CACNA1H: variants seen among roughly 807,000 people sequenced by gnomAD.
CACNA1H encodes the protein voltage-dependent T-type calcium channel subunit alpha-1H.
In CACNA1H, 149 loss-of-function variants were observed where a neutral mutation model predicts 192.5. That is an observed-to-expected ratio of 0.77 (90% CI 0.68 to 0.89). The LOEUF (loss-of-function observed/expected upper bound fraction) is 0.89, where lower values mean the gene tolerates loss of function less well. Ranked by LOEUF, CACNA1H falls within the 40% of genes least tolerant of loss-of-function variation. The probability of loss-of-function intolerance (pLI) is 0.00; values close to 1 mark genes in which losing one functional copy is unlikely to be tolerated. For missense variants in CACNA1H, 4,257 were observed against 3,423.5 expected (o/e 1.24, Z -6.08); for synonymous variants, 2,202 against 1,475.2 (o/e 1.49, Z -11.29).
intron 9 of CACNA1H, 45 bp downstream of exon 9, chr16:1,202,497 G>A: frequency 7.0e-7 from 1 of 1,422,166 alleles, no homozygotes; most frequent in East Asian, 2.5e-5. Context: ...TGGGACCTAG[G>A]CAGGGCGGGC....
At chr16:1,175,157 C>A (rs1327628021) in intron 2 of CACNA1H, among the ~76,000 whole-genome samples, 1 of 152,082 alleles carries the variant, frequency 6.6e-6, no homozygotes. Flanking sequence ...CCCTACTGTG[C>A]GCGCGGGCCA....
In CACNA1H at chr16:1,218,428, C is replaced by A. The variant is rs761380706; in HGVS notation, c.5664C>A (p.Pro1888=). The A allele has an allele frequency of 2.6e-6, 4 of 1,553,120 alleles. No individual in the cohort carries two copies. Among genetic ancestry groups the A allele is most frequent in the Non-Finnish European group, 3.5e-6 (4 of 1,148,938 alleles). The change falls in exon 33 of 35, where the codon CCC becomes CCA. Residue 1888 remains proline, a synonymous_variant. Transcript: ENST00000348261. ...AEIELEMAQG[P]GSARRVDADR... is the part of the protein sequence containing the mutation. ...TCGAGCTGGAGATGGCGCAGGGCCC[C>A]GGGAGTGCACGCCGGGTGGACGCGG...
At chr16:1,200,627 A>G (rs878880304) in intron 7 of CACNA1H, 56 bp downstream of exon 7, 3 of 1,595,724 alleles carry the variant, frequency 1.9e-6, no homozygotes, top group South Asian at 1.1e-5. Context: ...GAGCGGGTGC[A>G]GGACTCGCCC....
chr16:1,190,433 G>T (rs1313773367), intron 2 of CACNA1H, among the ~76,000 whole-genome samples: 3 of 152,252 alleles, frequency 2.0e-5, no homozygotes, highest in African/African-American at 7.2e-5. Context: ...AGCCTGCTCA[G>T]CCCAGAGCTG....
In CACNA1H at chr16:1,174,801, C is replaced by T. The variant is rs371414512; in HGVS notation, c.300-20171C>T. 1.2e-3 allele frequency among the ~76,000 whole-genome samples: 182 copies of T among 152,364 alleles called. 1 individual carries two copies. The highest frequency in any genetic ancestry group is 4.0e-3 in the African/African-American group (166 of 41,582). ...GTTGGTGGATCGATTCAGACATGGA[C>T]GAGAGCCAGGATGGCCGAGTTGGCG... On this transcript the variant is annotated intron_variant, in intron 2 of 34. Coordinates refer to ENST00000348261, the MANE Select transcript of CACNA1H (RefSeq NM_021098.3).
At chr16:1,201,384 C>G (rs191134646) in intron 8 of CACNA1H, among the ~76,000 whole-genome samples, 1 of 152,090 alleles carries the variant, frequency 6.6e-6, no homozygotes. Flanking sequence ...CATCTCAAGG[C>G]CAGATCTGCA....
chr16:1,177,763 C>T (rs1232155910), intron 2 of CACNA1H, among the ~76,000 whole-genome samples: 1 of 151,874 alleles, frequency 6.6e-6, no homozygotes, highest in African/African-American at 2.4e-5. Flanking sequence ...TGCCTGTGTC[C>T]TCACCTGGTG....
chr16:1,153,663 C>T (rs1027748267), intron 1 of CACNA1H, 57 bp from the exon 2 acceptor site: 53 of 1,088,208 alleles, frequency 4.9e-5, no homozygotes, highest in Non-Finnish European at 5.7e-5. Context: ...CTCCGCGCCG[C>T]GGGAGGCAGG....
chr16:1,172,729 TGGGGCACCCTTCTCCCC>T (rs1964493036), intron 2 of CACNA1H, among the ~76,000 whole-genome samples: 1 of 151,964 alleles, frequency 6.6e-6, no homozygotes, highest in Admixed American at 6.5e-5. Flanking sequence ...TGGGGTGAGC[TGGGGCACCCTTCTCCCC>T]GGGGCACCCA....
At chr16:1,185,150 C>A (rs916886518) in intron 2 of CACNA1H, among the ~76,000 whole-genome samples, 1 of 152,202 alleles carries the variant, frequency 6.6e-6, no homozygotes, top group Non-Finnish European at 1.5e-5. Context: ...GCATCATGTT[C>A]CCGGGTTCAC....
At chr16:1,155,541 A>G (rs1232737900) in intron 2 of CACNA1H, among the ~76,000 whole-genome samples, 2 of 152,124 alleles carry the variant, frequency 1.3e-5, no homozygotes, top group Non-Finnish European at 2.9e-5. Flanking sequence ...GCCCCGAGCC[A>G]AGGCCTGCGT....
intron 2 of CACNA1H, among the ~76,000 whole-genome samples, chr16:1,183,314 C>G (rs747733166): frequency 6.6e-6 from 1 of 152,166 alleles, no homozygotes; most frequent in Non-Finnish European, 1.5e-5. Context: ...AGGACCTCAC[C>G]CCTTCCTGAG....
At chr16:1,175,882 G>A (rs1964834099) in intron 2 of CACNA1H, among the ~76,000 whole-genome samples, 1 of 152,172 alleles carries the variant, frequency 6.6e-6, no homozygotes. Flanking sequence ...GCAGACCTTG[G>A]GCTGCCATTC....
At position 1,215,385 on chromosome 16, in the gene CACNA1H, C is replaced by T. The variant is rs72554026; in HGVS notation, c.5173+10C>T. On this transcript the variant is annotated intron_variant, in intron 29 of 34. Coordinates refer to ENST00000348261, the MANE Select transcript of CACNA1H (RefSeq NM_021098.3). ...CTTCGCATTGCCCGTGGTAGGTGCC[C>T]GCGTGCCCGCCAGGTTCTCTCTGCG... is the stretch of plus-strand genomic sequence containing the variant. 1,172 of 1,531,354 alleles carry T rather than the reference C, an allele frequency of 7.7e-4. 7 individuals are homozygous for T. In the African/African-American group the frequency reaches 0.013, roughly 17 times the overall value. The allele number at this position is 1,531,354 out of a possible 1,614,324, so 94.9% of individuals were successfully genotyped here.
chr16:1,155,884 C>A (rs570488751), intron 2 of CACNA1H, among the ~76,000 whole-genome samples: 2 of 152,222 alleles, frequency 1.3e-5, no homozygotes, highest in East Asian at 3.9e-4. Flanking sequence ...GTGACCCAAG[C>A]GCTGTCCCCC....
At chr16:1,203,833 A>C (rs1055206527) in intron 9 of CACNA1H, among the ~76,000 whole-genome samples, 177 bp from the exon 10 acceptor site, 1 of 152,256 alleles carries the variant, frequency 6.6e-6, no homozygotes, top group Admixed American at 6.5e-5. Context: ...GTAACCCATG[A>C]CACCTGCAAA....
chr16:1,188,661 C>G (rs376077531), intron 2 of CACNA1H, among the ~76,000 whole-genome samples: 1 of 152,234 alleles, frequency 6.6e-6, no homozygotes, highest in Admixed American at 6.5e-5. Context: ...CAGAGCTATG[C>G]GCTTTCAAGC....
intron 6 of CACNA1H, among the ~76,000 whole-genome samples, chr16:1,200,043 G>A (rs564673665): frequency 1.3e-5 from 2 of 152,236 alleles, no homozygotes; most frequent in South Asian, 2.1e-4. Context: ...TCTTGACCCT[G>A]GTCCTGGCTG....
At position 1,208,208 on chromosome 16, in the gene CACNA1H, A is replaced by T. The variant is rs1298817577; in HGVS notation, c.3350A>T (p.Asp1117Val). ...SSSSGDPPLG[D>V]QKPPASLRSS... ...AGCTCCGGGGACCCGCCACTGGGAG[A>T]CCAGAAGCCTCCGGTAGGGACCATC... The change falls in exon 16 of 35, where the codon GAC becomes GTC. Residue 1117 changes from aspartate to valine, a missense_variant. By Grantham distance (152) the Asp-to-Val change is radical (BLOSUM62 -3). Transcript: ENST00000348261. 6.4e-7 allele frequency: 1 copy of T among 1,562,948 alleles called. No individual in the cohort carries two copies.
Sources: allele counts gnomAD v4.1 joint callset (sites outside exome capture counted in the v4.1 genomes callset), GRCh38; gene constraint gnomAD v4.1.1; transcripts MANE v1.5; gene names NCBI Gene and HGNC (gene_info 2026-07-23, HGNC 2026-07-21).